Variants in SYT1 observed in about 807,000 individuals in gnomAD.
The protein encoded by SYT1 is synaptotagmin 1.
A neutral mutation model predicts 44.8 loss-of-function variants in SYT1; 8 were observed. The ratio of observed to expected loss-of-function variants is 0.18; its 90% CI spans 0.10 to 0.32. The LOEUF (loss-of-function observed/expected upper bound fraction) is 0.32. SYT1 is among the 10% of genes least tolerant of loss of function. The pLI is 1.00. For missense variants in SYT1, 286 were observed against 509.3 expected (o/e 0.56, Z 4.22); for synonymous variants, 154 against 188.8 (o/e 0.82, Z 1.51).
At chr12:78,975,933 C>T (rs1401073019) in intron 1 of SYT1, among the ~76,000 whole-genome samples, 1 of 152,092 alleles carries the variant, frequency 6.6e-6, no homozygotes, top group Non-Finnish European at 1.5e-5. Context: ...TAAATAATCC[C>T]AGATAGCAGT....
At chr12:79,354,054 T>G (rs553017485) in intron 9 of SYT1, among the ~76,000 whole-genome samples, 7 of 152,310 alleles carry the variant, frequency 4.6e-5, no homozygotes, top group African/African-American at 1.7e-4. Flanking sequence ...TACCATTTAT[T>G]AAAGACACAG....
intron 1 of SYT1, among the ~76,000 whole-genome samples, chr12:78,967,215 A>T (rs1592613631): frequency 6.6e-6 from 1 of 152,168 alleles, no homozygotes; most frequent in Admixed American, 6.5e-5. Flanking sequence ...GGAATTAATA[A>T]TCTGACGGCA....
intron 3 of SYT1, among the ~76,000 whole-genome samples, chr12:79,214,937 GTA>G (rs1168126806): frequency 3.6e-4 from 35 of 96,162 alleles, no homozygotes; most frequent in Admixed American, 1.1e-3. Flanking sequence ...AATAATGTGT[GTA>G]TATGTGTGTG....
rs538275991 is a variant in SYT1 at position 79,445,484 on chromosome 12, T to C, written c.1062+1278T>C. Among the ~76,000 whole-genome samples the C allele has an allele frequency of 2.6e-5, 4 of 152,144 alleles. No individual in the cohort carries two copies. In the East Asian group the frequency reaches 7.7e-4, roughly 29 times the overall value. Reference sequence around the variant, plus strand: ...TCCCCTTCCCAGTCTTTAGTATCCTTTGTTCTACCTTTTATTTCTATGATA... The same window carrying C: ...TCCCCTTCCCAGTCTTTAGTATCCTCTGTTCTACCTTTTATTTCTATGATA... On this transcript the variant is annotated intron_variant, in intron 10 of 10. Transcript: ENST00000261205.
intron 9 of SYT1, among the ~76,000 whole-genome samples, chr12:79,357,032 A>G (rs932892985): frequency 6.6e-6 from 1 of 152,220 alleles, no homozygotes; most frequent in Non-Finnish European, 1.5e-5. Context: ...CACATTTTGC[A>G]TAGACACTAT....
At chr12:79,318,321 G>C (rs946239992) in intron 8 of SYT1, among the ~76,000 whole-genome samples, 25 of 152,134 alleles carry the variant, frequency 1.6e-4, no homozygotes, top group African/African-American at 6.0e-4. Context: ...TTTGTCTCCG[G>C]GGCCTTTTCA....
rs948127549 is a variant in SYT1, at chr12:78,876,136, A to T, written c.-217+11027A>T. On this transcript the variant is annotated intron_variant, in intron 1 of 10. Coordinates refer to ENST00000261205, the MANE Select transcript of SYT1 (RefSeq NM_005639.3). ...AAACAAAAGTAAATAAACACAGAAA[A>T]CATAATGAAACAAATCATTTTGTGT... 7.2e-5 allele frequency among the ~76,000 whole-genome samples: 11 copies of T among 151,820 alleles called. No homozygotes were observed. The South Asian group carries it at 1.2e-3, about 17-fold the overall frequency.
At chr12:79,246,822 A>C (rs895034432) in intron 4 of SYT1, among the ~76,000 whole-genome samples, 1 of 152,230 alleles carries the variant, frequency 6.6e-6, no homozygotes, top group Admixed American at 6.5e-5. Context: ...TCTATCTGGA[A>C]TCATAGTCAT....
chr12:79,193,758 T>A (rs150480709), intron 3 of SYT1, among the ~76,000 whole-genome samples: 7 of 152,264 alleles, frequency 4.6e-5, no homozygotes, highest in African/African-American at 1.4e-4. Flanking sequence ...CAAAATATCT[T>A]TTGTTCAATA....
At chr12:79,240,925 C>T (rs1302231125) in intron 4 of SYT1, among the ~76,000 whole-genome samples, 1 of 152,152 alleles carries the variant, frequency 6.6e-6, no homozygotes, top group Non-Finnish European at 1.5e-5. Flanking sequence ...GTAATCCCAA[C>T]ACTTTAGGAG....
intron 4 of SYT1, among the ~76,000 whole-genome samples, chr12:79,225,560 T>C (rs1875468444): frequency 6.6e-6 from 1 of 152,236 alleles, no homozygotes; most frequent in Non-Finnish European, 1.5e-5. Flanking sequence ...ACCAAATACA[T>C]ATATTATGGG....
At chr12:78,884,136 G>GTT (rs1874608077) in intron 1 of SYT1, among the ~76,000 whole-genome samples, 1 of 151,432 alleles carries the variant, frequency 6.6e-6, no homozygotes, top group African/African-American at 2.4e-5. Context: ...AATATTTAAA[G>GTT]CCCCTAACAG....
At chr12:79,165,071 C>A (rs1871155396) in intron 3 of SYT1, among the ~76,000 whole-genome samples, 1 of 151,700 alleles carries the variant, frequency 6.6e-6, no homozygotes, top group South Asian at 2.1e-4. Context: ...GGTTTTTTTT[C>A]ATTATCTTCA....
chr12:79,004,023 T>C (rs1395665725), intron 2 of SYT1, among the ~76,000 whole-genome samples: 5 of 151,926 alleles, frequency 3.3e-5, no homozygotes, highest in African/African-American at 1.2e-4. Context: ...TAATTCCATT[T>C]TCTATGTTCC....
At chr12:79,031,593 G>A (rs1043669691) in intron 2 of SYT1, among the ~76,000 whole-genome samples, 1 of 150,998 alleles carries the variant, frequency 6.6e-6, no homozygotes, top group Non-Finnish European at 1.5e-5. Context: ...ATTCTTGTTA[G>A]AACCCTATTA....
intron 1 of SYT1, among the ~76,000 whole-genome samples, chr12:78,923,534 G>T (rs1357647630): frequency 6.6e-6 from 1 of 151,112 alleles, no homozygotes; most frequent in African/African-American, 2.4e-5. Flanking sequence ...GATGATTATT[G>T]AACTACATTA....
At position 79,101,050 on chromosome 12, in the gene SYT1, A is replaced by G. The variant is rs191544788; in HGVS notation, c.-18+53688A>G. On this transcript the variant is annotated intron_variant, in intron 3 of 10. Coordinates refer to ENST00000261205, the MANE Select transcript of SYT1 (RefSeq NM_005639.3). ...GAAATAAATAAGATTATTTATCAAT[A>G]CATTTTATTTTACATTTGTTTTATT... Among the ~76,000 whole-genome samples, 381 of 152,230 alleles carry G rather than the reference A, an allele frequency of 2.5e-3. 1 individual carries two copies. Among genetic ancestry groups the G allele is most frequent in the Non-Finnish European group, 4.4e-3 (298 of 68,004 alleles).
At chr12:78,867,156 C>T (rs1219391275) in intron 1 of SYT1, among the ~76,000 whole-genome samples, 6 of 151,710 alleles carry the variant, frequency 4.0e-5, no homozygotes, top group East Asian at 1.9e-4. Context: ...CACTTAATTA[C>T]CTCACATGTA....
intron 3 of SYT1, among the ~76,000 whole-genome samples, chr12:79,155,533 A>C (rs1020562287): frequency 6.6e-6 from 1 of 152,226 alleles, no homozygotes; most frequent in African/African-American, 2.4e-5. Flanking sequence ...CTAGGCATCA[A>C]ATCAACTGTA....
Sources: allele counts gnomAD v4.1 joint callset (sites outside exome capture counted in the v4.1 genomes callset), GRCh38; gene constraint gnomAD v4.1.1; transcripts MANE v1.5; gene names NCBI Gene and HGNC (gene_info 2026-07-23, HGNC 2026-07-21).